The following ROR1 variants were observed in gnomAD, a reference collection of about 807,000 sequenced individuals.
ROR1 encodes the protein inactive tyrosine-protein kinase transmembrane receptor ROR1.
Under a neutral mutation model 78.8 loss-of-function variants are expected in ROR1, and 19 were observed. The ratio of observed to expected loss-of-function variants is 0.24; its 90% CI spans 0.17 to 0.35. ROR1 has a LOEUF of 0.35. Ranked by LOEUF, ROR1 falls within the 10% of genes least tolerant of loss-of-function variation. The probability of loss-of-function intolerance (pLI) is 1.00; values close to 1 mark genes in which losing one functional copy is unlikely to be tolerated. For missense variants in ROR1, 917 were observed against 1,177.8 expected (o/e 0.78, Z 3.24); for synonymous variants, 386 against 433.6 (o/e 0.89, Z 1.36).
In ROR1 at chr1:64,159,078, C is replaced by G; in HGVS notation, c.1272C>G (p.Phe424Leu). ...IPLAIALLFF[F>L]ICVCRNNQKS... ...TGGCCATTGCTTTACTCTTCTTCTT[C>G]ATTTGCGTCTGTCGGAATAACCAGA... The change falls in exon 8 of 9, where the codon TTC (phenylalanine) becomes TTG (leucine). Residue 424 changes from phenylalanine to leucine, a missense_variant. By Grantham distance (22) the Phe-to-Leu change is conservative. This residue lies in a region of ROR1 where 835 missense variants were observed against 1,069.8 expected (regional missense o/e 0.78). Coordinates refer to ENST00000371079, the MANE Select transcript of ROR1 (RefSeq NM_005012.4). 6.2e-7 allele frequency: 1 copy of G among 1,614,168 alleles called. No individual in the cohort carries two copies.
chr1:63,779,072 C>A (rs1644635145), intron 1 of ROR1, among the ~76,000 whole-genome samples: 1 of 152,176 alleles, frequency 6.6e-6, no homozygotes, highest in Non-Finnish European at 1.5e-5. Flanking sequence ...CTAAGACGGT[C>A]TTGCTGAAAC....
intron 1 of ROR1, among the ~76,000 whole-genome samples, chr1:63,868,324 T>A (rs1292461123): frequency 6.6e-6 from 1 of 152,032 alleles, no homozygotes; most frequent in African/African-American, 2.4e-5. Flanking sequence ...CATCAATGAG[T>A]GTGCGATGAC....
intron 7 of ROR1, among the ~76,000 whole-genome samples, chr1:64,153,106 G>A (rs535602474): frequency 6.6e-6 from 1 of 152,116 alleles, no homozygotes; most frequent in African/African-American, 2.4e-5. Flanking sequence ...TTAAAAAGTG[G>A]GCAAAGGACT....
At chr1:64,016,263 A>G (rs529054576) in intron 2 of ROR1, among the ~76,000 whole-genome samples, 2 of 152,168 alleles carry the variant, frequency 1.3e-5, no homozygotes, top group Non-Finnish European at 2.9e-5. Flanking sequence ...ACCTATGTCT[A>G]TTGAGAATGT....
intron 1 of ROR1, among the ~76,000 whole-genome samples, chr1:63,854,683 A>T (rs143494194): frequency 8.0e-4 from 122 of 152,346 alleles, no homozygotes; most frequent in African/African-American, 2.8e-3. Flanking sequence ...CTGTGCTTAG[A>T]TAGTATCTGG....
intron 1 of ROR1, among the ~76,000 whole-genome samples, chr1:63,784,708 C>T (rs1394797651): frequency 6.6e-6 from 1 of 152,134 alleles, no homozygotes; most frequent in South Asian, 2.1e-4. Context: ...GCTTTCCTCA[C>T]GTGTAAAATG....
At chr1:64,175,884 C>G (rs1254568048) in intron 8 of ROR1, among the ~76,000 whole-genome samples, 1 of 152,110 alleles carries the variant, frequency 6.6e-6, no homozygotes, top group Non-Finnish European at 1.5e-5. Context: ...ACAGAGAGCT[C>G]TGGATTTCAT....
chr1:63,948,352 A>G (rs1287157735), intron 1 of ROR1, among the ~76,000 whole-genome samples: 1 of 144,646 alleles, frequency 6.9e-6, no homozygotes, highest in South Asian at 2.1e-4. Flanking sequence ...TTTTTTTTTT[A>G]CTGATTTACA....
At chr1:63,982,091 T>C (rs901928129) in intron 1 of ROR1, among the ~76,000 whole-genome samples, 21 of 152,160 alleles carry the variant, frequency 1.4e-4, no homozygotes, top group Non-Finnish European at 2.8e-4. Flanking sequence ...ATGATCTCAT[T>C]TGATCCTCTG....
intron 4 of ROR1, among the ~76,000 whole-genome samples, chr1:64,089,768 TAAG>T (rs1400132142): frequency 1.3e-5 from 2 of 152,156 alleles, no homozygotes; most frequent in East Asian, 3.9e-4. Context: ...AGGGGAAATG[TAAG>T]AAGATGATAC....
chr1:64,150,064 T>C (rs538714775), intron 7 of ROR1, among the ~76,000 whole-genome samples: 1 of 152,368 alleles, frequency 6.6e-6, no homozygotes, highest in South Asian at 2.1e-4. Flanking sequence ...ATCGTATTGG[T>C]ATTTTTATAT....
intron 1 of ROR1, among the ~76,000 whole-genome samples, chr1:63,899,190 GTC>G (rs1645465586): frequency 6.6e-6 from 1 of 152,106 alleles, no homozygotes; most frequent in African/African-American, 2.4e-5. Context: ...TTCCTCATCA[GTC>G]TCTTTCATTC....
chr1:63,779,419 G>A (rs1425577502), intron 1 of ROR1, among the ~76,000 whole-genome samples: 2 of 152,054 alleles, frequency 1.3e-5, no homozygotes. Flanking sequence ...CAAACAGAAG[G>A]GCCTTAGCCT....
chr1:64,066,954 A>G (rs1276075722), intron 4 of ROR1, among the ~76,000 whole-genome samples: 5 of 152,228 alleles, frequency 3.3e-5, no homozygotes, highest in African/African-American at 9.6e-5. Context: ...AATAATTATT[A>G]TAATGGAATA....
At chr1:63,784,903 G>A (rs1281714650) in intron 1 of ROR1, among the ~76,000 whole-genome samples, 3 of 152,194 alleles carry the variant, frequency 2.0e-5, no homozygotes, top group Non-Finnish European at 4.4e-5. Context: ...CTAGTTCTCA[G>A]CGCCTTGTTA....
At chr1:64,086,761 G>A (rs1028925082) in intron 4 of ROR1, among the ~76,000 whole-genome samples, 5 of 152,100 alleles carry the variant, frequency 3.3e-5, no homozygotes, top group Admixed American at 6.6e-5. Flanking sequence ...TTATTACTGT[G>A]ATCTTAAGAT....
intron 4 of ROR1, among the ~76,000 whole-genome samples, chr1:64,119,302 T>A (rs764182322): frequency 1.3e-4 from 20 of 152,166 alleles, no homozygotes; most frequent in Non-Finnish European, 2.2e-4. Flanking sequence ...CCCCCATAGT[T>A]GTATTTTTTT....
At chr1:63,780,198 G>C (rs998055169) in intron 1 of ROR1, among the ~76,000 whole-genome samples, 6 of 150,738 alleles carry the variant, frequency 4.0e-5, no homozygotes, top group Admixed American at 1.3e-4. Context: ...GAGAGAGGGG[G>C]ACTAAAAAAA....
chr1:64,122,780 A>G (rs936193076), intron 4 of ROR1, among the ~76,000 whole-genome samples: 1 of 152,150 alleles, frequency 6.6e-6, no homozygotes, highest in African/African-American at 2.4e-5. Flanking sequence ...AGCTCCTTCA[A>G]TGATTCCTCT....
Sources: allele counts gnomAD v4.1 joint callset (sites outside exome capture counted in the v4.1 genomes callset), GRCh38; gene constraint gnomAD v4.1.1; regional missense constraint gnomAD v4.1.1; transcripts MANE v1.5; gene names NCBI Gene and HGNC (gene_info 2026-07-23, HGNC 2026-07-21).